The following MYCBP2 variants were observed in gnomAD, a reference collection of about 807,000 sequenced individuals.
MYCBP2 encodes MYC binding protein 2.
A neutral mutation model predicts 525.3 loss-of-function variants in MYCBP2; 120 were observed. That is an observed-to-expected ratio of 0.23 (90% CI 0.20 to 0.27). The LOEUF is 0.27. Among genes scored for constraint, MYCBP2 ranks in the 10% least tolerant of loss-of-function variants. MYCBP2 has a pLI of 1.00. For missense variants in MYCBP2, 4,149 were observed against 5,657.1 expected, an observed-to-expected ratio of 0.73 and a Z score of 8.55; for synonymous variants, 1,894 against 1,955.8, an observed-to-expected ratio of 0.97 and a Z score of 0.83.
chr13:77,137,887 C>G (rs117062806), intron 52 of MYCBP2, among the ~76,000 whole-genome samples: 4,475 of 151,928 alleles, frequency 0.029, 96 homozygotes, highest in East Asian at 0.052. Flanking sequence ...CCTGGCTCTC[C>G]CATCTGTATA....
chr13:77,118,308 C>T lies in MYCBP2; in HGVS notation c.8140+3065G>A, dbSNP rs73541773. The T allele has an allele frequency of 7.0e-3, 5,102 of 729,578 alleles. 192 individuals are homozygous for T. In the African/African-American group the frequency reaches 0.077, roughly 11 times the overall value. 45.2% of individuals were successfully genotyped at this position (729,578 alleles called of 1,614,324 possible). Reference sequence around the variant, plus strand: ...AACTCAGAACAAAGCTTCAGAAATGCTTGATGAGGCAGGTAAGGCTGACAG... The same window carrying T: ...AACTCAGAACAAAGCTTCAGAAATGTTTGATGAGGCAGGTAAGGCTGACAG... On this transcript the variant is annotated intron_variant, in intron 55 of 82. Transcript: ENST00000544440.
chr13:77,141,652 T>A (rs983771733), intron 49 of MYCBP2, among the ~76,000 whole-genome samples: 1 of 151,786 alleles, frequency 6.6e-6, no homozygotes, highest in Admixed American at 6.6e-5. Flanking sequence ...GCACCTGTAA[T>A]TCTAGGTACT....
chr13:77,257,076 T>C (rs1307566434), intron 14 of MYCBP2, among the ~76,000 whole-genome samples: 1 of 152,082 alleles, frequency 6.6e-6, no homozygotes, highest in Non-Finnish European at 1.5e-5. Flanking sequence ...ATCCTATCAT[T>C]TGCAACAACA....
At chr13:77,194,649 G>T (rs1246876751) in intron 26 of MYCBP2, among the ~76,000 whole-genome samples, 1 of 152,034 alleles carries the variant, frequency 6.6e-6, no homozygotes, top group Non-Finnish European at 1.5e-5. Flanking sequence ...CTTACTAACT[G>T]AGATCCTGGG....
Position 77,095,545 on chromosome 13 carries a change from T to C in MYCBP2, c.10012A>G (p.Met3338Val), listed in dbSNP as rs972755549. Residue 3338 changes from methionine to valine, a missense_variant, in exon 58 of 83, where the codon ATG becomes GTG. Transcript: ENST00000544440. ...QVKTPRALPT[M>V]EAHQVIKANA... is the part of the protein sequence containing the mutation. ...GCTTTAATCACCTGGTGAGCTTCCA[T>C]GGTGGGCAAGGCACGAGGGGTCTTG... 1.2e-5 allele frequency: 20 copies of C among 1,613,444 alleles called. No homozygotes were observed. The highest frequency in any genetic ancestry group is 1.7e-5 in the Non-Finnish European group (20 of 1,179,676).
At chr13:77,122,326 G>T (rs1439888705) in intron 54 of MYCBP2, among the ~76,000 whole-genome samples, 1 of 152,054 alleles carries the variant, frequency 6.6e-6, no homozygotes, top group Non-Finnish European at 1.5e-5. Context: ...ATAACCTTAT[G>T]AAAAATAAAA....
At chr13:77,205,210 T>C (rs768567859) in intron 26 of MYCBP2, 46 bp downstream of exon 26, 2 of 1,422,470 alleles carry the variant, frequency 1.4e-6, no homozygotes, top group East Asian at 2.5e-5. Flanking sequence ...TAAGTCAAAA[T>C]CAGTATGTTC....
chr13:77,270,352 G>C lies in MYCBP2; in HGVS notation c.1132C>G (p.Leu378Val). The C allele has an allele frequency of 2.5e-6, 4 of 1,613,440 alleles. No individual in the cohort carries two copies. Among genetic ancestry groups the C allele is most frequent in the Non-Finnish European group, 3.4e-6 (4 of 1,179,694 alleles). Residue 378 changes from leucine to valine, a missense_variant, in exon 6 of 83, where the codon CTA becomes GTA. Around this residue, in one of 21 missense-constraint regions of MYCBP2, gnomAD observed 262 missense variants for 419.3 expected, o/e 0.62. Coordinates refer to ENST00000544440, the MANE Select transcript of MYCBP2 (RefSeq NM_015057.5). ...LLQNDGFFLY[L>V]LCKDGLYKIG... ...TTATATAATCCATCCTTGCATAATA[G>C]ATAAAGAAAAAATCCATCATTCTGA...
At chr13:77,157,609 G>A (rs776107410) in intron 45 of MYCBP2, among the ~76,000 whole-genome samples, 5 of 152,048 alleles carry the variant, frequency 3.3e-5, no homozygotes, top group South Asian at 4.2e-4. Context: ...AAAAATAGCC[G>A]GGTGTGGTGG....
intron 15 of MYCBP2, among the ~76,000 whole-genome samples, chr13:77,250,538 C>T (rs1486406119): frequency 1.3e-5 from 2 of 152,150 alleles, no homozygotes; most frequent in Non-Finnish European, 2.9e-5. Context: ...AAAATAGATT[C>T]AAAATTCTTC....
intron 7 of MYCBP2, 101 bp downstream of exon 7, chr13:77,269,891 T>C (rs370598387): frequency 5.4e-5 from 48 of 895,566 alleles, no homozygotes; most frequent in Non-Finnish European, 8.3e-5. Context: ...AAATATATTA[T>C]CATTTCTGTT....
At chr13:77,303,014 A>C (rs1448450419) in intron 1 of MYCBP2, among the ~76,000 whole-genome samples, 1 of 152,182 alleles carries the variant, frequency 6.6e-6, no homozygotes, top group Non-Finnish European at 1.5e-5. Context: ...AGAGACCAAA[A>C]CAGCACTGAC....
rs144111490 is a variant in MYCBP2, at chr13:77,196,977, C to A, written c.3844-2733G>T. 3.3e-5 allele frequency among the ~76,000 whole-genome samples: 5 copies of A among 152,260 alleles called. No individual in the cohort carries two copies. The East Asian group carries it at 9.6e-4, about 29-fold the overall frequency. ...TAGAAGTCAGGAAGATGATGAGCAA[C>A]CAGCAGGAGACTAAGAAGAACAGTC... On this transcript the variant is annotated intron_variant, in intron 26 of 82. Transcript: ENST00000544440.
At chr13:77,106,239 G>T (rs2047826859) in intron 55 of MYCBP2, among the ~76,000 whole-genome samples, 1 of 152,018 alleles carries the variant, frequency 6.6e-6, no homozygotes, top group African/African-American at 2.4e-5. Flanking sequence ...AGCAATGATT[G>T]GAAATGTTAA....
chr13:77,293,824 C>G (rs939960235), intron 2 of MYCBP2, among the ~76,000 whole-genome samples: 2 of 152,022 alleles, frequency 1.3e-5, no homozygotes, highest in Non-Finnish European at 2.9e-5. Context: ...GGCAAAAAAA[C>G]AGATTCCCTC....
intron 26 of MYCBP2, among the ~76,000 whole-genome samples, chr13:77,195,176 T>A (rs2061640895): frequency 6.6e-6 from 1 of 152,314 alleles, no homozygotes; most frequent in Non-Finnish European, 1.5e-5. Flanking sequence ...GACTTAGAAA[T>A]CTTTCTCCAG....
At chr13:77,131,882 C>A (rs1011420936) in intron 52 of MYCBP2, among the ~76,000 whole-genome samples, 2 of 151,996 alleles carry the variant, frequency 1.3e-5, no homozygotes, top group African/African-American at 4.8e-5. Context: ...AGAAAAGAGA[C>A]CAACAAGTGA....
rs141626388 is a variant in MYCBP2, at chr13:77,165,390, T to C, written c.6342A>G (p.Gly2114=). 6.2e-5 allele frequency: 99 copies of C among 1,584,010 alleles called. No individual in the cohort carries two copies. In the African/African-American group the frequency reaches 1.3e-3, roughly 21 times the overall value. The change falls in exon 42 of 83, where the codon GGA becomes GGG. Residue 2114 remains glycine (G), a splice_region_variant and synonymous_variant. Transcript: ENST00000544440. ...GWPTMVLVLP[G]NEALFSLETA... ...TCTCCAATGAAAAAAGGGCCTCATT[T>C]CCTAATAAAAATGCCAGAATTGAGT...
chr13:77,300,079 A>G (rs1218601968), intron 1 of MYCBP2, among the ~76,000 whole-genome samples: 1 of 152,218 alleles, frequency 6.6e-6, no homozygotes, highest in African/African-American at 2.4e-5. Flanking sequence ...CTTTCACTCA[A>G]ATCTGCTTCA....
Sources: gnomAD v4.1 joint callset for allele counts (sites outside exome capture counted in the v4.1 genomes callset) on GRCh38, gnomAD v4.1.1 for gene constraint, gnomAD v4.1.1 regional missense constraint, MANE v1.5 for transcripts, NCBI Gene and HGNC (gene_info 2026-07-23, HGNC 2026-07-21) for gene names.